Variants in MAP3K7 observed in about 807,000 individuals in gnomAD.
MAP3K7 encodes the protein mitogen-activated protein kinase kinase kinase 7.
A neutral mutation model predicts 84.8 loss-of-function variants in MAP3K7; 21 were observed. The observed-to-expected ratio is 0.25, with a 90% CI of 0.18 to 0.36. The LOEUF (loss-of-function observed/expected upper bound fraction) is 0.36, where lower values mean the gene tolerates loss of function less well. MAP3K7 is among the 10% of genes least tolerant of loss of function. MAP3K7 has a pLI of 1.00. For missense variants in MAP3K7, 503 were observed against 747.7 expected (o/e 0.67, Z 3.82); for synonymous variants, 241 against 247.7 (o/e 0.97, Z 0.25).
chr6:90,528,957 T>C (rs1036842481), intron 13 of MAP3K7, among the ~76,000 whole-genome samples: 7 of 152,200 alleles, frequency 4.6e-5, no homozygotes, highest in African/African-American at 1.7e-4. Flanking sequence ...GTTCTTTTCT[T>C]CTCCTTGTTA....
intron 1 of MAP3K7, among the ~76,000 whole-genome samples, chr6:90,580,536 G>T (rs1480280434): frequency 1.3e-5 from 2 of 152,014 alleles, no homozygotes; most frequent in African/African-American, 4.8e-5. Context: ...GCCCAGACTC[G>T]TCTCAAACTC....
At chr6:90,584,423 C>T (rs578166663) in intron 1 of MAP3K7, among the ~76,000 whole-genome samples, 93 of 151,974 alleles carry the variant, frequency 6.1e-4, no homozygotes, top group Admixed American at 1.2e-3. Flanking sequence ...AACAAAAAAC[C>T]CAAATGACTG....
chr6:90,587,043 T>A lies in MAP3K7; in HGVS notation c.-160A>T. On this transcript the variant is annotated 5_prime_UTR_variant, in exon 1 of 17. Transcript: ENST00000369329. ...GGTAGAGGCAGCGGCCACAGCCGTG[T>A]CCGGCTCTGGCTCCGCTGCGTTTTC... 1 of 831,330 alleles carries A rather than the reference T, an allele frequency of 1.2e-6. No individual in the cohort carries two copies. The highest frequency in any genetic ancestry group is 1.7e-6 in the Non-Finnish European group (1 of 587,466). The allele number at this position is 831,330 out of a possible 1,614,324, so 51.5% of individuals were successfully genotyped here.
intron 13 of MAP3K7, among the ~76,000 whole-genome samples, chr6:90,528,592 C>G (rs577487779): frequency 3.9e-5 from 6 of 152,130 alleles, no homozygotes; most frequent in Admixed American, 2.0e-4. Context: ...GTTTTCCTCT[C>G]ATTTCTGTTT....
At chr6:90,553,399 G>A in intron 7 of MAP3K7, 59 bp downstream of exon 7, 1 of 1,479,172 alleles carries the variant, frequency 6.8e-7, no homozygotes, top group Non-Finnish European at 9.4e-7. Flanking sequence ...GGGGACAGGA[G>A]TAGTCTTCCA....
At chr6:90,575,224 T>G (rs1777034517) in intron 1 of MAP3K7, among the ~76,000 whole-genome samples, 2 of 152,142 alleles carry the variant, frequency 1.3e-5, no homozygotes, top group Non-Finnish European at 2.9e-5. Context: ...GGAATGAAAG[T>G]GCGGTAGAGA....
At chr6:90,582,444 G>A (rs1390574584) in intron 1 of MAP3K7, among the ~76,000 whole-genome samples, 1 of 152,190 alleles carries the variant, frequency 6.6e-6, no homozygotes, top group East Asian at 1.9e-4. Flanking sequence ...TTTGCTGAAG[G>A]AGAGACACAA....
At chr6:90,540,896 T>C (rs567678946) in intron 12 of MAP3K7, among the ~76,000 whole-genome samples, 2 of 152,100 alleles carry the variant, frequency 1.3e-5, no homozygotes, top group Non-Finnish European at 2.9e-5. Flanking sequence ...AATTTAGGTA[T>C]TCTTCTAACA....
chr6:90,532,176 C>T (rs1775530004), intron 13 of MAP3K7, among the ~76,000 whole-genome samples: 1 of 152,054 alleles, frequency 6.6e-6, no homozygotes, highest in Non-Finnish European at 1.5e-5. Context: ...ACTCAATATG[C>T]GATAAGAGAC....
chr6:90,536,331 T>C lies in MAP3K7; in HGVS notation c.1356+6A>G, dbSNP rs1288097247. 1.2e-6 allele frequency: 2 copies of C among 1,608,098 alleles called. No individual in the cohort carries two copies. Among genetic ancestry groups the C allele is most frequent in the South Asian group, 1.1e-5 (1 of 90,926 alleles). ...TCAAAGATAGAAAATTTGAATGTTGTCTTACCTGACCAGGTTCTGTTCCAG... is the reference window on the plus strand; with the variant it reads ...TCAAAGATAGAAAATTTGAATGTTGCCTTACCTGACCAGGTTCTGTTCCAG... On this transcript the variant is annotated splice_donor_region_variant and intron_variant, in intron 13 of 16. Transcript: ENST00000369329.
intron 2 of MAP3K7, among the ~76,000 whole-genome samples, chr6:90,571,188 T>C (rs1010719886): frequency 2.6e-5 from 4 of 152,160 alleles, no homozygotes; most frequent in South Asian, 2.1e-4. Context: ...ATAAATTTGA[T>C]AATATGCTAA....
chr6:90,558,553 G>T (rs990164917), intron 5 of MAP3K7, among the ~76,000 whole-genome samples: 2 of 152,082 alleles, frequency 1.3e-5, no homozygotes, highest in African/African-American at 4.8e-5. Context: ...AAATGACCTA[G>T]ACCAGACCTT....
At position 90,536,379 on chromosome 6, in the gene MAP3K7, T is replaced by A; in HGVS notation, c.1314A>T (p.Arg438Ser). 1.2e-6 allele frequency: 2 copies of A among 1,612,382 alleles called. No individual in the cohort carries two copies. Among genetic ancestry groups the A allele is most frequent in the Non-Finnish European group, 8.5e-7 (1 of 1,178,802 alleles). The change falls in exon 13 of 17, where the codon AGA (arginine) becomes AGT (serine). Residue 438 changes from arginine to serine, a missense_variant. Transcript: ENST00000369329. ...CAGTTACAGTCAAGTCTTGGATGGA[T>A]CTACGTCTTGGCTGTCCGTTGCCTT... The part of the protein sequence containing the change: ...VISGNGQPRR[R>S]SIQDLTVTGT...
At chr6:90,523,843 G>T in intron 13 of MAP3K7, 60 bp from the exon 14 acceptor site, 1 of 1,013,190 alleles carries the variant, frequency 9.9e-7, no homozygotes. Context: ...AAAATGACGA[G>T]AACGTTTCCA....
intron 14 of MAP3K7, among the ~76,000 whole-genome samples, chr6:90,521,728 C>T (rs187992242): frequency 1.5e-4 from 23 of 152,120 alleles, no homozygotes; most frequent in Middle Eastern, 6.8e-3. Flanking sequence ...TCCCCCTCTG[C>T]GGCTCCCTCT....
intron 2 of MAP3K7, among the ~76,000 whole-genome samples, chr6:90,571,274 A>G (rs1338273445): frequency 6.6e-6 from 1 of 152,140 alleles, no homozygotes; most frequent in Non-Finnish European, 1.5e-5. Context: ...TTTTCATGCT[A>G]AATGAGAAAA....
intron 12 of MAP3K7, chr6:90,542,546 A>C: frequency 1.1e-6 from 1 of 923,760 alleles, no homozygotes; most frequent in Non-Finnish European, 1.3e-6. Context: ...GAAAGCAAGA[A>C]GAAATTACTC....
At chr6:90,526,674 A>G (rs1442144930) in intron 13 of MAP3K7, among the ~76,000 whole-genome samples, 1 of 152,038 alleles carries the variant, frequency 6.6e-6, no homozygotes, top group African/African-American at 2.4e-5. Flanking sequence ...AAAATGAAAA[A>G]TAGTAAAAGA....
intron 14 of MAP3K7, among the ~76,000 whole-genome samples, chr6:90,521,152 G>A (rs1420013043): frequency 6.6e-6 from 1 of 152,042 alleles, no homozygotes; most frequent in East Asian, 1.9e-4. Flanking sequence ...AAAAAAAGAA[G>A]TGGGATTTCA....
Sources: gnomAD v4.1 joint callset for allele counts (sites outside exome capture counted in the v4.1 genomes callset) on GRCh38, gnomAD v4.1.1 for gene constraint, MANE v1.5 for transcripts, NCBI Gene and HGNC (gene_info 2026-07-23, HGNC 2026-07-21) for gene names.